Variants in PRKG1 observed in about 807,000 individuals in gnomAD.
PRKG1 encodes the protein protein kinase cGMP-dependent 1, also known as cGMP-dependent protein kinase 1.
A neutral mutation model predicts 88.1 loss-of-function variants in PRKG1; 35 were observed. That is an observed-to-expected ratio of 0.40 (90% CI 0.30 to 0.53). PRKG1 has a LOEUF of 0.53. PRKG1 is among the 20% of genes least tolerant of loss of function. PRKG1 has a pLI of 0.59. For synonymous variants in PRKG1, 303 were observed against 292.5 expected, an observed-to-expected ratio of 1.04 and a Z score of -0.37; for missense variants, 540 against 839.8, an observed-to-expected ratio of 0.64 and a Z score of 4.41.
intron 5 of PRKG1, among the ~76,000 whole-genome samples, chr10:52,038,415 AG>A (rs560311151): frequency 1.3e-5 from 2 of 151,466 alleles, no homozygotes; most frequent in African/African-American, 4.9e-5. Flanking sequence ...CACGGAAATA[AG>A]GGGTCGAGCA....
chr10:51,380,579 C>G lies in PRKG1; in HGVS notation c.479-87144C>G, dbSNP rs55661728. ...CTTTGGGAGACTGAGGCTGGCAGGTCACCTGAGGTCAGGAGTTCAAGACTG... is the reference window on the plus strand; with the variant it reads ...CTTTGGGAGACTGAGGCTGGCAGGTGACCTGAGGTCAGGAGTTCAAGACTG... On this transcript the variant is annotated intron_variant, in intron 2 of 17. Coordinates refer to ENST00000373980, the MANE Select transcript of PRKG1 (RefSeq NM_006258.4). Among the ~76,000 whole-genome samples, 911 of 152,180 alleles carry G rather than the reference C, an allele frequency of 6.0e-3. 11 individuals are homozygous for G. Among genetic ancestry groups the G allele is most frequent in the African/African-American group, 0.021 (852 of 41,510 alleles).
At chr10:51,552,823 C>T (rs1465786195) in intron 3 of PRKG1, among the ~76,000 whole-genome samples, 3 of 151,476 alleles carry the variant, frequency 2.0e-5, no homozygotes, top group Non-Finnish European at 4.4e-5. Context: ...TTTCTTCTAC[C>T]GTATTTTTAC....
At chr10:51,016,250 T>G (rs1843057767) in intron 1 of PRKG1, among the ~76,000 whole-genome samples, 1 of 152,228 alleles carries the variant, frequency 6.6e-6, no homozygotes, top group Non-Finnish European at 1.5e-5. Context: ...CATTAAAACA[T>G]CAAGTTGCAC....
chr10:51,385,195 A>T (rs1392029631), intron 2 of PRKG1, among the ~76,000 whole-genome samples: 1 of 152,208 alleles, frequency 6.6e-6, no homozygotes, highest in African/African-American at 2.4e-5. Flanking sequence ...TCAGAAAAAA[A>T]GTAATGGTGC....
chr10:51,798,239 G>A (rs1269432616), intron 3 of PRKG1, among the ~76,000 whole-genome samples: 1 of 151,884 alleles, frequency 6.6e-6, no homozygotes, highest in Non-Finnish European at 1.5e-5. Context: ...TTTCCACAGT[G>A]GCTGCACCAT....
intron 2 of PRKG1, among the ~76,000 whole-genome samples, chr10:51,271,010 A>G (rs1316545960): frequency 6.6e-6 from 1 of 152,170 alleles, no homozygotes; most frequent in Non-Finnish European, 1.5e-5. Flanking sequence ...TCTTAACCTA[A>G]TTGTTTTGTC....
chr10:52,129,533 A>G (rs1837198775), intron 7 of PRKG1, among the ~76,000 whole-genome samples: 1 of 152,192 alleles, frequency 6.6e-6, no homozygotes, highest in Admixed American at 6.5e-5. Context: ...GCAGGCTTTG[A>G]GTGCACAAGA....
chr10:51,697,600 C>G, intron 3 of PRKG1: 1 of 1,166,338 alleles, frequency 8.6e-7, no homozygotes, highest in Non-Finnish European at 1.2e-6. Flanking sequence ...GAGGGAAACC[C>G]TAATCCAAGT....
At chr10:51,383,918 T>C (rs1462198592) in intron 2 of PRKG1, among the ~76,000 whole-genome samples, 4 of 152,216 alleles carry the variant, frequency 2.6e-5, no homozygotes, top group African/African-American at 9.6e-5. Flanking sequence ...TTTATGTTTA[T>C]TCTGCTGTCT....
At chr10:52,179,201 GT>G (rs952126324) in intron 9 of PRKG1, among the ~76,000 whole-genome samples, 2 of 151,746 alleles carry the variant, frequency 1.3e-5, no homozygotes, top group African/African-American at 4.8e-5. Context: ...AGTGTTGCAT[GT>G]TTTCATGATT....
At chr10:51,695,208 A>C (rs1263530189) in intron 3 of PRKG1, among the ~76,000 whole-genome samples, 1 of 152,232 alleles carries the variant, frequency 6.6e-6, no homozygotes, top group Non-Finnish European at 1.5e-5. Flanking sequence ...ACGAGGTGCT[A>C]TTGAAATACA....
chr10:51,200,533 G>T (rs572613524), intron 2 of PRKG1, among the ~76,000 whole-genome samples: 1 of 152,246 alleles, frequency 6.6e-6, no homozygotes, highest in South Asian at 2.1e-4. Context: ...TACATTTATT[G>T]TCTCCCTTAC....
At chr10:51,448,772 G>A (rs2132765310) in intron 2 of PRKG1, among the ~76,000 whole-genome samples, 1 of 152,032 alleles carries the variant, frequency 6.6e-6, no homozygotes, top group South Asian at 2.1e-4. Context: ...CCTTACATAA[G>A]TCTTAATTTT....
chr10:51,659,920 C>G (rs1840253551), intron 3 of PRKG1, among the ~76,000 whole-genome samples: 1 of 151,644 alleles, frequency 6.6e-6, no homozygotes, highest in African/African-American at 2.4e-5. Flanking sequence ...ATCAAAGAAG[C>G]AAAAATAAGC....
intron 3 of PRKG1, among the ~76,000 whole-genome samples, chr10:51,607,617 T>A (rs1431650158): frequency 6.6e-6 from 1 of 152,184 alleles, no homozygotes; most frequent in Non-Finnish European, 1.5e-5. Context: ...CACATTACAG[T>A]CAGCAGAACC....
chr10:51,056,421 T>A (rs1437252938), intron 1 of PRKG1, among the ~76,000 whole-genome samples: 6 of 152,222 alleles, frequency 3.9e-5, no homozygotes, highest in Non-Finnish European at 8.8e-5. Context: ...ACAAAATGAC[T>A]ACTTGGGAAT....
chr10:52,220,608 CCTCT>C (rs1840219099), intron 9 of PRKG1, among the ~76,000 whole-genome samples: 2 of 152,008 alleles, frequency 1.3e-5, no homozygotes, highest in Non-Finnish European at 2.9e-5. Flanking sequence ...GTGTTGTTCC[CCTCT>C]ATGTGTCTAT....
At chr10:51,924,218 A>G (rs1842523723) in intron 5 of PRKG1, among the ~76,000 whole-genome samples, 1 of 152,138 alleles carries the variant, frequency 6.6e-6, no homozygotes, top group South Asian at 2.1e-4. Flanking sequence ...TTTCCTGTAA[A>G]GCAGGTCTAC....
chr10:51,827,655 G>T (rs1839909545), intron 4 of PRKG1, among the ~76,000 whole-genome samples: 1 of 152,058 alleles, frequency 6.6e-6, no homozygotes, highest in Non-Finnish European at 1.5e-5. Flanking sequence ...ACATCATGAT[G>T]ATTCTGAAAA....
Sources: gnomAD v4.1 joint callset for allele counts (sites outside exome capture counted in the v4.1 genomes callset) on GRCh38, gnomAD v4.1.1 for gene constraint, MANE v1.5 for transcripts, NCBI Gene and HGNC (gene_info 2026-07-23, HGNC 2026-07-21) for gene names.